The following CDK14 variants were observed in gnomAD, a reference collection of about 807,000 sequenced individuals.
CDK14 encodes cyclin-dependent kinase 14.
In CDK14, 34 loss-of-function variants were observed where a neutral mutation model predicts 60.7. The ratio of observed to expected loss-of-function variants is 0.56; its 90% confidence interval spans 0.43 to 0.75. The LOEUF is 0.75. CDK14 is among the 30% of genes least tolerant of loss of function. The pLI, the probability that CDK14 is intolerant of heterozygous loss-of-function variation, is 0.00. For missense variants in CDK14, 482 were observed against 564.1 expected, an observed-to-expected ratio of 0.85 and a Z score of 1.47; for synonymous variants, 197 against 203.7, an observed-to-expected ratio of 0.97 and a Z score of 0.28.
intron 2 of CDK14, among the ~76,000 whole-genome samples, chr7:90,696,713 C>T (rs554015455): frequency 6.6e-6 from 1 of 152,214 alleles, no homozygotes; most frequent in Admixed American, 6.5e-5. Flanking sequence ...ACTGACGGTA[C>T]TTAAGGAAGA....
intron 2 of CDK14, among the ~76,000 whole-genome samples, chr7:90,659,795 T>A (rs1482874000): frequency 1.3e-5 from 2 of 151,186 alleles, no homozygotes. Context: ...CTCAGCAGTC[T>A]GGGGTTTTTG....
rs1011829817 is a variant in CDK14, at chr7:91,059,562, A to G, written c.1105+13602A>G. ...CATTTAGTGCTATAAATTTCCCTCT[A>G]CACACTGCTTTGAATGTGTCCCAGA... is the stretch of plus-strand genomic sequence containing the variant. On this transcript the variant is annotated intron_variant, in intron 11 of 14. Transcript: ENST00000380050. Among the ~76,000 whole-genome samples the G allele has an allele frequency of 2.3e-4, 35 of 152,170 alleles. 1 individual carries two copies. The highest frequency in any genetic ancestry group is 7.2e-4 in the African/African-American group (30 of 41,434).
At chr7:91,032,838 A>G (rs887936820) in intron 10 of CDK14, among the ~76,000 whole-genome samples, 5 of 152,252 alleles carry the variant, frequency 3.3e-5, no homozygotes, top group African/African-American at 9.6e-5. Flanking sequence ...TCATATTAAC[A>G]TATTTTTGAA....
chr7:90,895,370 C>CT (rs1340654274), intron 6 of CDK14, among the ~76,000 whole-genome samples: 1 of 5,928 alleles, frequency 1.7e-4, no homozygotes, highest in African/African-American at 5.9e-4. Flanking sequence ...CCTCTCCTCC[C>CT]CTCCCCTCTC....
intron 11 of CDK14, among the ~76,000 whole-genome samples, chr7:91,049,279 T>G (rs912582913): frequency 2.0e-5 from 3 of 152,256 alleles, no homozygotes; most frequent in Non-Finnish European, 4.4e-5. Flanking sequence ...TAAGCAATTT[T>G]GAAAATAATC....
chr7:90,939,488 G>A (rs574209010), intron 8 of CDK14, among the ~76,000 whole-genome samples: 27 of 152,258 alleles, frequency 1.8e-4, no homozygotes, highest in African/African-American at 5.8e-4. Context: ...GTCGGGTTGC[G>A]GACAGTAAGT....
chr7:90,874,470 C>G (rs986692571), intron 6 of CDK14, among the ~76,000 whole-genome samples: 2 of 103,264 alleles, frequency 1.9e-5, no homozygotes, highest in Non-Finnish European at 3.9e-5. Context: ...ATTGGGTGTA[C>G]TTTTTCAATC....
chr7:90,804,281 C>A (rs891583273), intron 5 of CDK14, among the ~76,000 whole-genome samples: 1 of 152,040 alleles, frequency 6.6e-6, no homozygotes, highest in Non-Finnish European at 1.5e-5. Flanking sequence ...TATTTTAGAG[C>A]TTTATAATTA....
At chr7:91,109,389 A>G (rs559591081) in intron 12 of CDK14, among the ~76,000 whole-genome samples, 27 of 152,294 alleles carry the variant, frequency 1.8e-4, no homozygotes, top group African/African-American at 5.8e-4. Context: ...GTGAAAGCTT[A>G]AACACCTAAA....
At chr7:91,083,315 T>C (rs904362830) in intron 12 of CDK14, among the ~76,000 whole-genome samples, 2 of 152,230 alleles carry the variant, frequency 1.3e-5, no homozygotes, top group African/African-American at 4.8e-5. Context: ...TCCAGTCTTA[T>C]AACTCAAAGG....
At chr7:90,697,495 C>A (rs1801683758) in intron 2 of CDK14, among the ~76,000 whole-genome samples, 1 of 152,084 alleles carries the variant, frequency 6.6e-6, no homozygotes, top group Non-Finnish European at 1.5e-5. Flanking sequence ...TGTATTTGGC[C>A]TAAAAAATCG....
At chr7:90,605,292 T>C (rs565018236) in intron 2 of CDK14, among the ~76,000 whole-genome samples, 207 of 152,328 alleles carry the variant, frequency 1.4e-3, no homozygotes, top group African/African-American at 4.9e-3. Context: ...TGTCACGGTC[T>C]GCTGCTTCAT....
chr7:90,867,127 A>G (rs1284993771), intron 6 of CDK14, among the ~76,000 whole-genome samples: 1 of 152,196 alleles, frequency 6.6e-6, no homozygotes, highest in Non-Finnish European at 1.5e-5. Context: ...TAATATGTCA[A>G]ACATGAAGGA....
intron 2 of CDK14, among the ~76,000 whole-genome samples, chr7:90,693,922 G>A (rs996733632): frequency 2.0e-5 from 3 of 152,194 alleles, no homozygotes; most frequent in Admixed American, 6.6e-5. Flanking sequence ...AAAGAGGCTA[G>A]TGTAAGAAAT....
chr7:90,905,555 A>T lies in CDK14; in HGVS notation c.702+6202A>T, dbSNP rs1380837859. On this transcript the variant is annotated intron_variant, in intron 7 of 14. Coordinates refer to ENST00000380050, the MANE Select transcript of CDK14 (RefSeq NM_001287135.2). ...AAAACAAAAAATACCTCTTTATGTG[A>T]TAATGCTGTAGCCAAGCTCATTCCA... Among the ~76,000 whole-genome samples, 10 of 152,186 alleles carry T rather than the reference A, an allele frequency of 6.6e-5. 1 individual carries two copies. The South Asian group carries it at 8.3e-4, about 13-fold the overall frequency.
chr7:91,204,127 G>C (rs937133776), intron 14 of CDK14, among the ~76,000 whole-genome samples: 1 of 152,128 alleles, frequency 6.6e-6, no homozygotes, highest in Admixed American at 6.5e-5. Flanking sequence ...GATAATAACT[G>C]TTGGGATGTA....
chr7:90,764,200 G>C (rs1158926739), intron 4 of CDK14, among the ~76,000 whole-genome samples: 1 of 152,142 alleles, frequency 6.6e-6, no homozygotes, highest in Non-Finnish European at 1.5e-5. Context: ...TGAACTTTAT[G>C]TACAGTTCTT....
intron 8 of CDK14, 23 bp downstream of exon 8, chr7:90,917,747 G>C (rs1793124150): frequency 6.2e-7 from 1 of 1,610,566 alleles, no homozygotes; most frequent in East Asian, 2.2e-5. Flanking sequence ...TTAATTACCA[G>C]TCTATTTTGT....
intron 14 of CDK14, among the ~76,000 whole-genome samples, chr7:91,138,272 A>G (rs951702126): frequency 6.6e-6 from 1 of 152,168 alleles, no homozygotes; most frequent in African/African-American, 2.4e-5. Flanking sequence ...TTGTAGAAAG[A>G]AATTTATAAA....
Sources: gnomAD v4.1 joint callset for allele counts (sites outside exome capture counted in the v4.1 genomes callset) on GRCh38, gnomAD v4.1.1 for gene constraint, MANE v1.5 for transcripts, NCBI Gene and HGNC (gene_info 2026-07-23, HGNC 2026-07-21) for gene names.